Variants in TBXAS1 observed in about 807,000 individuals in gnomAD.
TBXAS1 encodes the protein thromboxane-A synthase.
Under a neutral mutation model 60.7 loss-of-function variants are expected in TBXAS1, and 48 were observed. That is an observed-to-expected ratio of 0.79 (90% CI 0.63 to 1.01). TBXAS1 has a LOEUF of 1.01. TBXAS1 is among the 50% of genes least tolerant of loss of function. The probability of loss-of-function intolerance (pLI) is 0.00; values close to 1 mark genes in which losing one functional copy is unlikely to be tolerated. For synonymous variants in TBXAS1, 287 were observed against 269.7 expected (o/e 1.06, Z -0.63); for missense variants, 685 against 686.3 (o/e 1.00, Z 0.02).
intron 9 of TBXAS1, among the ~76,000 whole-genome samples, chr7:139,972,174 G>A (rs574638727): frequency 9.8e-5 from 15 of 152,340 alleles, no homozygotes; most frequent in African/African-American, 3.6e-4. Flanking sequence ...CTGCAGAGCA[G>A]AGGGAGGGGC....
chr7:139,809,320 TTAGATAGATAGATAGA>T (rs55917453), intron 4 of TBXAS1, among the ~76,000 whole-genome samples: 153 of 144,916 alleles, frequency 1.1e-3, no homozygotes, highest in African/African-American at 2.1e-3. Flanking sequence ...CAATAGGAGA[TTAGATAGATAGATAGA>T]TAGATAGATA....
At chr7:140,012,408 G>A (rs1015302551) in intron 10 of TBXAS1, among the ~76,000 whole-genome samples, 3 of 152,026 alleles carry the variant, frequency 2.0e-5, no homozygotes, top group Non-Finnish European at 2.9e-5. Flanking sequence ...TTCTGCCCTC[G>A]TCCTAAAAGG....
rs1554487120 is a variant in TBXAS1 at position 139,905,005 on chromosome 7, C to CTCTTTCTCTCTTTCTTTTTCTT, written c.237-6213_237-6212insCTCTTTCTTTTTCTTTCTTTCT. Among the ~76,000 whole-genome samples the CTCTTTCTCTCTTTCTTTTTCTT allele has an allele frequency of 3.1e-4, 28 of 90,480 alleles. No homozygotes were observed. In the East Asian group the frequency reaches 6.4e-3, roughly 21 times the overall value. The allele number at this position is 90,480 out of a possible 152,430, so 59.4% of individuals were successfully genotyped here. A position where few individuals can be genotyped will look rare whatever the true frequency, so the allele number is the denominator to read the frequency against. On this transcript the variant is annotated intron_variant, in intron 3 of 12. Coordinates refer to ENST00000448866, the MANE Select transcript of TBXAS1 (RefSeq NM_001061.7). Reference sequence around the variant, plus strand: ...TCTCTTTCTCTCTTTCTCTCTTTCTCTCTTTCTTTCTTTCTTTCTTTCTTT... The same window carrying CTCTTTCTCTCTTTCTTTTTCTT: ...TCTCTTTCTCTCTTTCTCTCTTTCTCTCTTTCTCTCTTTCTTTTTCTTTCTTTCTTTCTTTCTTTCTTTCTTT...
intron 9 of TBXAS1, among the ~76,000 whole-genome samples, chr7:139,987,546 G>A (rs1585013312): frequency 6.6e-6 from 1 of 152,090 alleles, no homozygotes; most frequent in Non-Finnish European, 1.5e-5. Flanking sequence ...GAGCACGCAG[G>A]ACTAAAGTCC....
At chr7:139,980,369 C>T (rs1436950948) in intron 9 of TBXAS1, among the ~76,000 whole-genome samples, 1 of 152,120 alleles carries the variant, frequency 6.6e-6, no homozygotes, top group Non-Finnish European at 1.5e-5. Flanking sequence ...CAATGCGAAT[C>T]ATCTGAAATG....
At chr7:139,841,535 C>T (rs758611729) in intron 1 of TBXAS1, among the ~76,000 whole-genome samples, 2 of 149,624 alleles carry the variant, frequency 1.3e-5, no homozygotes, top group Non-Finnish European at 3.0e-5. Flanking sequence ...ATGGGTACTT[C>T]GATTTAATAA....
intron 1 of TBXAS1, among the ~76,000 whole-genome samples, chr7:139,845,202 A>G (rs1350559914): frequency 1.3e-5 from 2 of 151,994 alleles, no homozygotes; most frequent in Non-Finnish European, 2.9e-5. Flanking sequence ...TTGTCCTGCA[A>G]CTGCAGCCAC....
intron 4 of TBXAS1, among the ~76,000 whole-genome samples, chr7:139,929,908 C>T (rs1372129459): frequency 6.6e-6 from 1 of 152,202 alleles, no homozygotes; most frequent in African/African-American, 2.4e-5. Context: ...CAACACCAAA[C>T]AGCGAGATTC....
chr7:140,001,487 G>A (rs1300806648), intron 9 of TBXAS1, among the ~76,000 whole-genome samples: 1 of 152,078 alleles, frequency 6.6e-6, no homozygotes, highest in Non-Finnish European at 1.5e-5. Flanking sequence ...TACCTCCCAG[G>A]CTCGAGCAAT....
chr7:139,821,277 T>C (rs1253310282), intron 4 of TBXAS1, among the ~76,000 whole-genome samples: 1 of 152,070 alleles, frequency 6.6e-6, no homozygotes, highest in Non-Finnish European at 1.5e-5. Flanking sequence ...ATTTTTCGAG[T>C]CTGTAGCATC....
At chr7:139,922,203 G>C (rs1178378787) in intron 4 of TBXAS1, among the ~76,000 whole-genome samples, 2 of 151,426 alleles carry the variant, frequency 1.3e-5, no homozygotes, top group African/African-American at 4.9e-5. Context: ...CTGGGTTCAA[G>C]CGATTCTCCT....
intron 5 of TBXAS1, among the ~76,000 whole-genome samples, chr7:139,946,113 G>A (rs769187279): frequency 3.3e-5 from 5 of 152,178 alleles, no homozygotes; most frequent in Admixed American, 6.5e-5. Context: ...TGGGAGGATC[G>A]TTTGAACCCA....
intron 3 of TBXAS1, among the ~76,000 whole-genome samples, chr7:139,883,335 A>G (rs929790413): frequency 2.6e-5 from 4 of 152,192 alleles, no homozygotes; most frequent in African/African-American, 9.7e-5. Flanking sequence ...CTTCTTTCCC[A>G]GTCTTGATCC....
Position 139,805,908 on chromosome 7 carries a change from C to T in TBXAS1, c.-80+18482C>T, listed in dbSNP as rs188473287. 9.8e-3 allele frequency among the ~76,000 whole-genome samples: 1,449 copies of T among 147,500 alleles called. 16 individuals carry two copies. Among genetic ancestry groups the T allele is most frequent in the East Asian group, 0.034 (171 of 5,038 alleles). On this transcript the variant is annotated intron_variant, in intron 4 of 16. Coordinates refer to the TBXAS1 transcript ENST00000336425. ...CCGAGTAGCTGGGACTACAGGTGTG[C>T]ACCACCATGCTTAGCAAATTTTTGC...
upstream of TBXAS1, among the ~76,000 whole-genome samples, chr7:139,828,205 AATT>A (rs1798500442): frequency 6.6e-6 from 1 of 151,908 alleles, no homozygotes; most frequent in Admixed American, 6.6e-5. Context: ...GTCTTTGTTG[AATT>A]GGGTTAATTT....
chr7:139,796,281 C>A (rs1211349445), intron 4 of TBXAS1, among the ~76,000 whole-genome samples: 2 of 152,174 alleles, frequency 1.3e-5, no homozygotes, highest in Non-Finnish European at 2.9e-5. Flanking sequence ...AACTAGGGTT[C>A]ATCTATGCAA....
At chr7:139,835,540 T>C (rs575419147) in intron 1 of TBXAS1, among the ~76,000 whole-genome samples, 8 of 152,276 alleles carry the variant, frequency 5.3e-5, no homozygotes, top group Non-Finnish European at 8.8e-5. Flanking sequence ...AATCATGTGA[T>C]AATAGATGCA....
At chr7:139,928,268 T>C (rs978336077) in intron 4 of TBXAS1, among the ~76,000 whole-genome samples, 8 of 152,248 alleles carry the variant, frequency 5.3e-5, no homozygotes, top group African/African-American at 1.9e-4. Context: ...TTTATTCTGT[T>C]AATGCAACAA....
chr7:139,886,288 G>C (rs748734982), intron 3 of TBXAS1, among the ~76,000 whole-genome samples: 1 of 152,012 alleles, frequency 6.6e-6, no homozygotes, highest in Non-Finnish European at 1.5e-5. Flanking sequence ...CCCTGAGTAA[G>C]GCTGTCAGTT....
Sources: gnomAD v4.1 joint callset for allele counts (sites outside exome capture counted in the v4.1 genomes callset) on GRCh38, gnomAD v4.1.1 for gene constraint, MANE v1.5 for transcripts, NCBI Gene and HGNC (gene_info 2026-07-23, HGNC 2026-07-21) for gene names.